FARP1: variants seen among roughly 807,000 people sequenced by gnomAD.
FARP1 encodes the protein FERM, ARH/RhoGEF and pleckstrin domain protein 1.
A neutral mutation model predicts 128.8 loss-of-function variants in FARP1; 52 were observed. The observed-to-expected ratio is 0.40, with a 90% confidence interval of 0.32 to 0.51. The LOEUF (loss-of-function observed/expected upper bound fraction) is 0.51. Ranked by LOEUF, FARP1 falls within the 20% of genes least tolerant of loss-of-function variation. FARP1 has a pLI of 0.45. For missense variants in FARP1, 1,333 were observed against 1,367.9 expected (o/e 0.97, Z 0.40); for synonymous variants, 580 against 551.8 (o/e 1.05, Z -0.72).
chr13:98,313,709 T>A (rs1326925161), intron 2 of FARP1, among the ~76,000 whole-genome samples: 1 of 152,220 alleles, frequency 6.6e-6, no homozygotes, highest in East Asian at 1.9e-4. Flanking sequence ...TCTGCTAGCC[T>A]TTTTAGCATG....
intron 12 of FARP1, 22 bp downstream of exon 12, chr13:98,393,740 T>G: frequency 6.3e-7 from 1 of 1,587,564 alleles, no homozygotes; most frequent in Non-Finnish European, 8.6e-7. Context: ...CGCTGTCCTA[T>G]GATAACTCTG....
chr13:98,235,246 C>T (rs1882347302), intron 2 of FARP1, among the ~76,000 whole-genome samples: 1 of 152,024 alleles, frequency 6.6e-6, no homozygotes, highest in African/African-American at 2.4e-5. Flanking sequence ...CAGGCAATAC[C>T]CCCAGAGCCA....
chr13:98,356,303 CAGGTGG>C (rs1888638513), intron 3 of FARP1, among the ~76,000 whole-genome samples: 1 of 152,120 alleles, frequency 6.6e-6, no homozygotes, highest in Non-Finnish European at 1.5e-5. Context: ...CTTACACAAA[CAGGTGG>C]TGTAAGTACG....
intron 2 of FARP1, among the ~76,000 whole-genome samples, chr13:98,312,801 C>T (rs537370278): frequency 2.0e-5 from 3 of 152,206 alleles, no homozygotes; most frequent in Admixed American, 2.0e-4. Flanking sequence ...CTATAGAGGC[C>T]GTGTGCACAG....
rs1419044207 is a variant in FARP1, at chr13:98,372,117, C to T, written c.398+3922C>T. On this transcript the variant is annotated intron_variant, in intron 5 of 26. Coordinates refer to ENST00000319562, the MANE Select transcript of FARP1 (RefSeq NM_005766.4). The stretch of plus-strand genomic sequence containing the variant: ...TTTTTTTTTTTTGGCGATGGAGTCT[C>T]GCTCTGTCGCCCAGGCTGGAGTGCA... Among the ~76,000 whole-genome samples the T allele has an allele frequency of 4.6e-5, 6 of 131,006 alleles. No homozygotes were observed. The South Asian group carries it at 1.2e-3, about 27-fold the overall frequency. 85.9% of individuals were successfully genotyped at this position (131,006 alleles called of 152,430 possible).
At chr13:98,164,333 C>T (rs9513367) in intron 1 of FARP1, among the ~76,000 whole-genome samples, 36,862 of 152,016 alleles carry the variant, frequency 0.24, 4,639 homozygotes, top group Middle Eastern at 0.34. Context: ...CACAGGGCAG[C>T]ATTTCAGGAA....
intron 1 of FARP1, among the ~76,000 whole-genome samples, chr13:98,153,527 A>AT (rs1566671054): frequency 4.0e-5 from 5 of 123,790 alleles, no homozygotes; most frequent in Non-Finnish European, 6.7e-5. Context: ...ATTTATATAT[A>AT]TATTATATAT....
intron 1 of FARP1, among the ~76,000 whole-genome samples, chr13:98,151,818 C>A (rs767906699): frequency 1.3e-5 from 2 of 151,720 alleles, no homozygotes; most frequent in Non-Finnish European, 2.9e-5. Context: ...CACGCCACCA[C>A]GCCCGGCTAA....
At chr13:98,272,105 C>G (rs2139585268) in intron 2 of FARP1, among the ~76,000 whole-genome samples, 1 of 152,216 alleles carries the variant, frequency 6.6e-6, no homozygotes, top group Non-Finnish European at 1.5e-5. Context: ...TCTTGGCTCA[C>G]TGCAACCTGT....
At chr13:98,400,973 T>C (rs1355758435) in intron 13 of FARP1, 1 of 152,170 alleles carries the variant, frequency 6.6e-6, no homozygotes, top group Non-Finnish European at 1.5e-5. Context: ...CTCACGGTCA[T>C]CATCAAGGTC....
intron 1 of FARP1, among the ~76,000 whole-genome samples, chr13:98,182,695 G>A (rs1289566002): frequency 6.6e-6 from 1 of 152,210 alleles, no homozygotes; most frequent in Non-Finnish European, 1.5e-5. Flanking sequence ...TAACACTTAA[G>A]GATAGCTGTT....
chr13:98,184,703 T>C (rs1218740151), intron 1 of FARP1, among the ~76,000 whole-genome samples: 4 of 152,210 alleles, frequency 2.6e-5, no homozygotes, highest in Non-Finnish European at 4.4e-5. Context: ...TCCACAGCCT[T>C]TACATTTTCT....
rs369214382 is a variant in FARP1 at position 98,365,447 on chromosome 13, T to C, written c.319+10T>C. 116 of 1,581,946 alleles carry C rather than the reference T, an allele frequency of 7.3e-5. No homozygotes were observed. The highest frequency in any genetic ancestry group is 1.7e-4 in the Middle Eastern group (1 of 6,026). Reference sequence around the variant, plus strand: ...GTGAAACAGATTAGAAGTGAGTATATACCATATGTTTAATAGTGATGTGAA... The same window carrying C: ...GTGAAACAGATTAGAAGTGAGTATACACCATATGTTTAATAGTGATGTGAA... On this transcript the variant is annotated intron_variant, in intron 4 of 26. Coordinates refer to ENST00000319562, the MANE Select transcript of FARP1 (RefSeq NM_005766.4).
At chr13:98,273,242 A>G (rs1419243067) in intron 2 of FARP1, among the ~76,000 whole-genome samples, 2 of 152,206 alleles carry the variant, frequency 1.3e-5, no homozygotes, top group African/African-American at 4.8e-5. Flanking sequence ...AGTCAGCAGA[A>G]AGGAATGTTT....
chr13:98,213,782 A>G (rs1463298458), intron 2 of FARP1, among the ~76,000 whole-genome samples: 1 of 152,086 alleles, frequency 6.6e-6, no homozygotes, highest in East Asian at 1.9e-4. Flanking sequence ...GTCATAGACA[A>G]TTCCTCTCTC....
At chr13:98,346,376 G>C (rs553459669) in intron 3 of FARP1, among the ~76,000 whole-genome samples, 74 of 151,388 alleles carry the variant, frequency 4.9e-4, no homozygotes, top group Middle Eastern at 3.4e-3. Context: ...TTTTAGTAGA[G>C]ATGGGGTTTC....
intron 2 of FARP1, among the ~76,000 whole-genome samples, chr13:98,286,580 G>A (rs562657253): frequency 1.3e-5 from 2 of 152,088 alleles, no homozygotes; most frequent in Admixed American, 6.5e-5. Context: ...TAATTTTGAG[G>A]CCTCCCCAGC....
Position 98,446,655 on chromosome 13 carries a change from C to T in FARP1, c.2905-11C>T. ...CCCGAAAAGCCACTTTGCTTTGTTT[C>T]CCCTTTCCAGGACAATCATCCCCTT... is the stretch of plus-strand genomic sequence containing the variant. On this transcript the variant is annotated splice_polypyrimidine_tract_variant and intron_variant, in intron 25 of 26. Coordinates refer to ENST00000319562, the MANE Select transcript of FARP1 (RefSeq NM_005766.4). The T allele has an allele frequency of 6.2e-7, 1 of 1,613,790 alleles. No individual in the cohort carries two copies. The highest frequency in any genetic ancestry group is 8.5e-7 in the Non-Finnish European group (1 of 1,179,792).
intron 2 of FARP1, among the ~76,000 whole-genome samples, chr13:98,224,546 G>GAAAAAA (rs11450140): frequency 1.9e-5 from 2 of 104,990 alleles, no homozygotes; most frequent in Non-Finnish European, 3.4e-5. Context: ...AAAAAAAAAA[G>GAAAAAA]AAAAAAAAAA....
Sources: allele counts gnomAD v4.1 joint callset (sites outside exome capture counted in the v4.1 genomes callset), GRCh38; gene constraint gnomAD v4.1.1; transcripts MANE v1.5; gene names NCBI Gene and HGNC (gene_info 2026-07-23, HGNC 2026-07-21).